THSD7B: variants seen among roughly 807,000 people sequenced by gnomAD.
THSD7B encodes the protein thrombospondin type 1 domain containing 7B.
In THSD7B, 138 loss-of-function variants were observed where a neutral mutation model predicts 213.6. That is an observed-to-expected ratio of 0.65 (90% CI 0.56 to 0.74). THSD7B has a LOEUF of 0.74. THSD7B is among the 30% of genes least tolerant of loss of function. The pLI is 0.00. For synonymous variants in THSD7B, 742 were observed against 687.0 expected, an observed-to-expected ratio of 1.08 and a Z score of -1.25; for missense variants, 1,931 against 1,991.5, an observed-to-expected ratio of 0.97 and a Z score of 0.58.
At chr2:136,916,719 T>G (rs1684354355) in intron 2 of THSD7B, among the ~76,000 whole-genome samples, 1 of 152,246 alleles carries the variant, frequency 6.6e-6, no homozygotes, top group African/African-American at 2.4e-5. Flanking sequence ...CCTTGCCTCC[T>G]TTTTGATCCA....
chr2:137,136,381 A>G (rs555008527), intron 5 of THSD7B, among the ~76,000 whole-genome samples: 4 of 152,326 alleles, frequency 2.6e-5, no homozygotes, highest in Non-Finnish European at 5.9e-5. Flanking sequence ...ATCCTTCTGT[A>G]TAAAATGAAG....
intron 12 of THSD7B, among the ~76,000 whole-genome samples, chr2:137,395,263 A>G (rs1324506020): frequency 6.8e-6 from 1 of 146,954 alleles, no homozygotes; most frequent in East Asian, 2.0e-4. Context: ...GAATGCTTCC[A>G]GTTTTTGCCC....
intron 2 of THSD7B, among the ~76,000 whole-genome samples, chr2:136,952,782 T>C (rs1019456618): frequency 6.6e-6 from 1 of 152,190 alleles, no homozygotes; most frequent in African/African-American, 2.4e-5. Context: ...TGAGATTATT[T>C]CACCTTTGAC....
At chr2:137,088,349 A>G (rs1056418879) in intron 3 of THSD7B, among the ~76,000 whole-genome samples, 4 of 152,074 alleles carry the variant, frequency 2.6e-5, no homozygotes, top group African/African-American at 9.7e-5. Context: ...ACTTACCTTC[A>G]ACAAAGCAAA....
intron 15 of THSD7B, among the ~76,000 whole-genome samples, chr2:137,506,414 C>T (rs925184082): frequency 5.3e-5 from 8 of 152,156 alleles, no homozygotes; most frequent in Admixed American, 1.3e-4. Flanking sequence ...GATTCTTTAA[C>T]GTTCCTGAAT....
chr2:137,203,641 A>C (rs559106251), intron 7 of THSD7B, among the ~76,000 whole-genome samples: 2 of 152,080 alleles, frequency 1.3e-5, no homozygotes, highest in Non-Finnish European at 2.9e-5. Flanking sequence ...AGGTTTGCTA[A>C]CATGCTTAAG....
intron 17 of THSD7B, among the ~76,000 whole-genome samples, chr2:137,594,828 T>C (rs939241013): frequency 6.6e-6 from 1 of 151,926 alleles, no homozygotes; most frequent in South Asian, 2.1e-4. Context: ...ATAAAAATAG[T>C]CTCCCAATTC....
intron 12 of THSD7B, among the ~76,000 whole-genome samples, chr2:137,279,225 T>C (rs1355887974): frequency 6.6e-6 from 1 of 152,154 alleles, no homozygotes; most frequent in African/African-American, 2.4e-5. Context: ...TGTACTACTT[T>C]GGTAAAAATA....
intron 6 of THSD7B, among the ~76,000 whole-genome samples, chr2:137,170,358 G>T (rs186165327): frequency 6.6e-6 from 1 of 152,200 alleles, no homozygotes; most frequent in African/African-American, 2.4e-5. Context: ...CGAATGCAGC[G>T]TAACAAGAAT....
intron 12 of THSD7B, among the ~76,000 whole-genome samples, chr2:137,300,601 G>T (rs958859118): frequency 2.0e-5 from 3 of 152,130 alleles, no homozygotes; most frequent in Non-Finnish European, 2.9e-5. Context: ...GGAATAAGTT[G>T]TCCCCAACAT....
intron 12 of THSD7B, among the ~76,000 whole-genome samples, chr2:137,291,782 A>G (rs1683345277): frequency 6.6e-6 from 1 of 152,120 alleles, no homozygotes; most frequent in Non-Finnish European, 1.5e-5. Context: ...ATGCCATACA[A>G]CCCAATTCTC....
chr2:137,543,579 A>G (rs1383190382), intron 15 of THSD7B, among the ~76,000 whole-genome samples: 1 of 151,852 alleles, frequency 6.6e-6, no homozygotes, highest in Non-Finnish European at 1.5e-5. Context: ...GCAATTGACA[A>G]TGAAAGCTCA....
At chr2:137,339,318 A>C (rs1186824521) in intron 12 of THSD7B, among the ~76,000 whole-genome samples, 1 of 151,944 alleles carries the variant, frequency 6.6e-6, no homozygotes, top group Non-Finnish European at 1.5e-5. Flanking sequence ...AAATAACTAG[A>C]GAAGAGCAAA....
intron 15 of THSD7B, among the ~76,000 whole-genome samples, chr2:137,517,435 A>G (rs1680091462): frequency 1.3e-5 from 2 of 152,214 alleles, no homozygotes; most frequent in Non-Finnish European, 2.9e-5. Context: ...TAAAATTTCT[A>G]GGGGTCTGGT....
At chr2:136,858,382 A>G (rs1683207281) in intron 1 of THSD7B, among the ~76,000 whole-genome samples, 1 of 152,184 alleles carries the variant, frequency 6.6e-6, no homozygotes, top group Non-Finnish European at 1.5e-5. Context: ...GTTTATTCTC[A>G]GCTCTCTTAA....
chr2:137,410,209 C>G (rs1159648749), intron 13 of THSD7B, among the ~76,000 whole-genome samples: 1 of 152,110 alleles, frequency 6.6e-6, no homozygotes, highest in East Asian at 1.9e-4. Flanking sequence ...AAGTGAATAT[C>G]TTCTATCAGA....
chr2:137,350,510 G>T (rs1684989444), intron 12 of THSD7B, among the ~76,000 whole-genome samples: 1 of 151,778 alleles, frequency 6.6e-6, no homozygotes, highest in Admixed American at 6.6e-5. Flanking sequence ...AGAGGAGGGG[G>T]ATCATGGAGG....
intron 15 of THSD7B, among the ~76,000 whole-genome samples, chr2:137,550,640 A>G (rs1680828268): frequency 6.6e-6 from 1 of 152,148 alleles, no homozygotes; most frequent in East Asian, 1.9e-4. Context: ...GAAGGGAGTC[A>G]GGAAGCACAG....
chr2:136,996,209 G>A (rs910952979), intron 2 of THSD7B, among the ~76,000 whole-genome samples: 2 of 152,176 alleles, frequency 1.3e-5, no homozygotes, highest in African/African-American at 4.8e-5. Flanking sequence ...TAGCAGACTG[G>A]ATGAAGGTAC....
Sources: gnomAD v4.1 joint callset for allele counts (sites outside exome capture counted in the v4.1 genomes callset) on GRCh38, gnomAD v4.1.1 for gene constraint, MANE v1.5 for transcripts, NCBI Gene and HGNC (gene_info 2026-07-23, HGNC 2026-07-21) for gene names.